CNTNAP4: variants seen among roughly 807,000 people sequenced by gnomAD.
CNTNAP4 encodes contactin associated protein family member 4, also known as contactin-associated protein-like 4.
CNTNAP4 carries 98 observed loss-of-function variants against 148.4 expected under a neutral mutation model. The ratio of observed to expected loss-of-function variants is 0.66; its 90% CI spans 0.56 to 0.78. The LOEUF is 0.78. CNTNAP4 is among the 30% of genes least tolerant of loss of function. The probability of loss-of-function intolerance (pLI) is 0.00; values close to 1 mark genes in which losing one functional copy is unlikely to be tolerated. For synonymous variants in CNTNAP4, 730 were observed against 565.1 expected, an observed-to-expected ratio of 1.29 and a Z score of -4.14; for missense variants, 1,935 against 1,565.6, an observed-to-expected ratio of 1.24 and a Z score of -3.98.
At chr16:76,525,266 G>A (rs1363916951) in intron 17 of CNTNAP4, among the ~76,000 whole-genome samples, 1 of 151,624 alleles carries the variant, frequency 6.6e-6, no homozygotes, top group African/African-American at 2.4e-5. Flanking sequence ...TACTGAATTA[G>A]AGTATGGTGA....
At position 76,476,646 on chromosome 16, in the gene CNTNAP4, G is replaced by A. The variant is rs560249129; in HGVS notation, c.1762+601G>A. The stretch of plus-strand genomic sequence containing the variant: ...AGATTAGGTGAGGGTGTGCTTCCTG[G>A]TTCATAGACTTCCATCTTCTCACTG... On this transcript the variant is annotated intron_variant, in intron 11 of 23. Transcript: ENST00000611870. Among the ~76,000 whole-genome samples the A allele has an allele frequency of 2.2e-4, 34 of 152,256 alleles. No individual in the cohort carries two copies. The South Asian group carries it at 5.2e-3, about 23-fold the overall frequency.
intron 4 of CNTNAP4, among the ~76,000 whole-genome samples, chr16:76,446,817 T>A (rs1250453034): frequency 6.6e-6 from 1 of 152,200 alleles, no homozygotes; most frequent in Non-Finnish European, 1.5e-5. Flanking sequence ...TATATTTGTG[T>A]ATAGACCTCG....
chr16:76,408,316 G>A (rs553157678), intron 3 of CNTNAP4, among the ~76,000 whole-genome samples: 82 of 143,928 alleles, frequency 5.7e-4, no homozygotes, highest in African/African-American at 2.4e-3. Flanking sequence ...AAATTACTAA[G>A]CTTCTTACAT....
At chr16:76,466,747 G>C (rs960079497) in intron 9 of CNTNAP4, among the ~76,000 whole-genome samples, 4 of 151,902 alleles carry the variant, frequency 2.6e-5, no homozygotes, top group African/African-American at 9.7e-5. Context: ...ATGAGGCAAA[G>C]AATAAAATCA....
chr16:76,402,938 G>A (rs1325604875), intron 3 of CNTNAP4, among the ~76,000 whole-genome samples: 1 of 151,942 alleles, frequency 6.6e-6, no homozygotes, highest in Non-Finnish European at 1.5e-5. Flanking sequence ...TGCATTTGCT[G>A]AAGATTGTTT....
chr16:76,372,947 G>A (rs994066224), intron 3 of CNTNAP4, among the ~76,000 whole-genome samples: 30 of 152,128 alleles, frequency 2.0e-4, no homozygotes, highest in African/African-American at 6.0e-4. Context: ...ATGTGGTTTC[G>A]AAGAGATATT....
In CNTNAP4 at chr16:76,488,629, T is replaced by C. The variant is rs952847183; in HGVS notation, c.1883-1057T>C. On this transcript the variant is annotated intron_variant, in intron 12 of 23. Transcript: ENST00000611870. Reference sequence around the variant, plus strand: ...ATTTTTCTCCAATTTGGGATATTCCTCTGTATTACAGAAGAGTTATGTGAC... The same window carrying C: ...ATTTTTCTCCAATTTGGGATATTCCCCTGTATTACAGAAGAGTTATGTGAC... 3.9e-5 allele frequency among the ~76,000 whole-genome samples: 6 copies of C among 152,314 alleles called. No homozygotes were observed. In the South Asian group the frequency reaches 8.3e-4, roughly 21 times the overall value.
intron 3 of CNTNAP4, among the ~76,000 whole-genome samples, chr16:76,406,290 A>G (rs2078597661): frequency 6.6e-6 from 1 of 152,150 alleles, no homozygotes; most frequent in Non-Finnish European, 1.5e-5. Flanking sequence ...CATATTCAGC[A>G]GCAAACTTAA....
intron 4 of CNTNAP4, among the ~76,000 whole-genome samples, chr16:76,447,043 C>T (rs1362741802): frequency 3.3e-5 from 5 of 152,142 alleles, no homozygotes; most frequent in Non-Finnish European, 5.9e-5. Context: ...CACAGTGGCT[C>T]ACGCCTTTAA....
intron 3 of CNTNAP4, among the ~76,000 whole-genome samples, chr16:76,389,124 A>G (rs2016746157): frequency 6.6e-6 from 1 of 152,196 alleles, no homozygotes; most frequent in South Asian, 2.1e-4. Context: ...AATAAGGAAA[A>G]TGAATATTGC....
At chr16:76,433,849 T>C (rs1239727103) in intron 4 of CNTNAP4, among the ~76,000 whole-genome samples, 8 of 152,100 alleles carry the variant, frequency 5.3e-5, no homozygotes, top group African/African-American at 1.7e-4. Flanking sequence ...TCAGCTAATA[T>C]AGTAGCTGAG....
intron 2 of CNTNAP4, among the ~76,000 whole-genome samples, chr16:76,320,150 A>G (rs1343339876): frequency 6.6e-6 from 1 of 152,224 alleles, no homozygotes; most frequent in African/African-American, 2.4e-5. Flanking sequence ...AAAGAGGGTC[A>G]TGTTATTGGA....
At chr16:76,372,306 ATTT>A (rs57362303) in intron 3 of CNTNAP4, among the ~76,000 whole-genome samples, 6 of 140,450 alleles carry the variant, frequency 4.3e-5, no homozygotes. Context: ...GGCCCAGCTA[ATTT>A]TTTTTTTTTT....
At chr16:76,467,663 A>G (rs1173628962) in intron 10 of CNTNAP4, 140 bp downstream of exon 10, 2 of 729,282 alleles carry the variant, frequency 2.7e-6, no homozygotes, top group Non-Finnish European at 4.2e-6. Context: ...TTACATTAGA[A>G]ATAAGAAAAA....
chr16:76,526,904 G>A (rs2083757418), intron 17 of CNTNAP4, among the ~76,000 whole-genome samples: 1 of 152,032 alleles, frequency 6.6e-6, no homozygotes, highest in Admixed American at 6.6e-5. Context: ...AAACTCCTGG[G>A]CTCAAGGGCT....
intron 23 of CNTNAP4, 97 bp downstream of exon 23, chr16:76,554,004 C>A: frequency 1.4e-6 from 1 of 732,358 alleles, no homozygotes; most frequent in South Asian, 1.8e-5. Flanking sequence ...TCTGCACATA[C>A]TCCAAGTGCC....
intron 17 of CNTNAP4, among the ~76,000 whole-genome samples, chr16:76,535,035 G>C (rs1322704833): frequency 3.3e-5 from 5 of 152,100 alleles, no homozygotes; most frequent in Non-Finnish European, 7.4e-5. Context: ...CAAATAATCT[G>C]ACATTCAATT....
intron 17 of CNTNAP4, among the ~76,000 whole-genome samples, chr16:76,525,488 A>C (rs1337452910): frequency 2.0e-5 from 3 of 148,150 alleles, no homozygotes; most frequent in Non-Finnish European, 4.5e-5. Context: ...TATATATATA[A>C]CTATATATAG....
intron 3 of CNTNAP4, among the ~76,000 whole-genome samples, chr16:76,397,307 T>A (rs549087089): frequency 6.6e-6 from 1 of 151,982 alleles, no homozygotes; most frequent in African/African-American, 2.4e-5. Flanking sequence ...TTGTGGGGTA[T>A]GACAGTCAGA....
Sources: gnomAD v4.1 joint callset for allele counts (sites outside exome capture counted in the v4.1 genomes callset) on GRCh38, gnomAD v4.1.1 for gene constraint, MANE v1.5 for transcripts, NCBI Gene and HGNC (gene_info 2026-07-23, HGNC 2026-07-21) for gene names.